The following PPP1R3E variants were observed in gnomAD, a reference collection of about 807,000 sequenced individuals.
PPP1R3E encodes the protein protein phosphatase 1 regulatory subunit 3E.
In PPP1R3E, 20 loss-of-function variants were observed where a neutral mutation model predicts 18.5. The observed-to-expected ratio is 1.08, with a 90% CI of 0.76 to 1.58. PPP1R3E has a LOEUF of 1.58. Among genes scored for constraint, PPP1R3E ranks in the 40% most tolerant of loss-of-function variants. PPP1R3E has a pLI of 0.00. For synonymous variants in PPP1R3E, 208 were observed against 208.1 expected, an observed-to-expected ratio of 1.00 and a Z score of 0.00; for missense variants, 498 against 460.2, an observed-to-expected ratio of 1.08 and a Z score of -0.75.
In PPP1R3E at chr14:23,301,339, G is replaced by A; in HGVS notation, c.*97C>T. ...GGCTTGACTCCCTTGGACCGCTCCC[G>A]CCAATCCTGGTCTCTCCTACTCCTC... On this transcript the variant is annotated 3_prime_UTR_variant, in exon 2 of 5. Coordinates refer to ENST00000452015, the MANE Select transcript of PPP1R3E (RefSeq NM_001276318.2). 1.0e-6 allele frequency: 1 copy of A among 984,016 alleles called. No homozygotes were observed. The allele number at this position is 984,016 out of a possible 1,614,324, so 61.0% of individuals were successfully genotyped here. A position where few individuals can be genotyped will look rare whatever the true frequency, so the allele number is the denominator to read the frequency against.
At position 23,302,809 on chromosome 14, in the gene PPP1R3E, A is replaced by G. The variant is rs1887084266; in HGVS notation, c.-233T>C. The G allele has an allele frequency of 2.1e-6, 1 of 476,284 alleles. No homozygotes were observed. Among genetic ancestry groups the G allele is most frequent in the Admixed American group, 4.3e-5 (1 of 23,394 alleles). 29.5% of individuals were successfully genotyped at this position (476,284 alleles called of 1,614,324 possible). ...CCGTCAGCTTCCAGGGTCTTAGACT[A>G]TCACATCCTGCCTCCTGCTAGCGGT... On this transcript the variant is annotated 5_prime_UTR_variant, in exon 1 of 5. Coordinates refer to ENST00000452015, the MANE Select transcript of PPP1R3E (RefSeq NM_001276318.2).
Position 23,298,120 on chromosome 14 carries a change from G to C in PPP1R3E, c.*1184C>G, listed in dbSNP as rs1886929069. 1 of 152,138 alleles carries C rather than the reference G, an allele frequency of 6.6e-6. No individual in the cohort carries two copies. Among genetic ancestry groups the C allele is most frequent in the African/African-American group, 2.4e-5 (1 of 41,382 alleles). 9.4% of individuals were successfully genotyped at this position (152,138 alleles called of 1,614,324 possible). ...AGAGTGTAAGTGGGAAGGTGAGGGG[G>C]GTCCTGTGCTGATCCTGCATAGATG... On this transcript the variant is annotated 3_prime_UTR_variant, in exon 5 of 5. Coordinates refer to ENST00000452015, the MANE Select transcript of PPP1R3E (RefSeq NM_001276318.2).
chr14:23,301,921 G>A (rs1377289435), intron 1 of PPP1R3E, 63 bp from the exon 2 acceptor site: 2 of 1,376,060 alleles, frequency 1.5e-6, no homozygotes, highest in Non-Finnish European at 1.9e-6. Context: ...GACAGGGGGC[G>A]GTGTCAGAGC....
intron 3 of PPP1R3E, 109 bp downstream of exon 3, chr14:23,300,649 G>A (rs1483352333): frequency 6.6e-6 from 1 of 152,242 alleles, no homozygotes; most frequent in Non-Finnish European, 1.5e-5. Flanking sequence ...AAGCCCCTGA[G>A]TGTACAACCC....
rs1191352004 is a variant in PPP1R3E at position 23,296,744 on chromosome 14, G to A, written c.*2560C>T. ...TAACAAATTCTATGACCCTGCTAGA[G>A]TCATTTCTCACCTCTGGACCTGTGT... On this transcript the variant is annotated 3_prime_UTR_variant, in exon 5 of 5. Transcript: ENST00000452015. The A allele has an allele frequency of 6.6e-6, 1 of 152,212 alleles. No homozygotes were observed. The highest frequency in any genetic ancestry group is 1.5e-5 in the Non-Finnish European group (1 of 68,062). The allele number at this position is 152,212 out of a possible 1,614,324, so 9.4% of individuals were successfully genotyped here.
At chr14:23,300,200 A>G (rs1479662074) in intron 3 of PPP1R3E, 2 of 152,258 alleles carry the variant, frequency 1.3e-5, no homozygotes, top group East Asian at 3.8e-4. Context: ...CGGCTCTGGA[A>G]TACGCTGGGG....
Position 23,302,241 on chromosome 14 carries a change from C to A in PPP1R3E, c.336G>T (p.Val112=). 6.6e-7 allele frequency: 1 copy of A among 1,515,240 alleles called. No homozygotes were observed. Among genetic ancestry groups the A allele is most frequent in the Admixed American group, 2.1e-5 (1 of 48,218 alleles). 93.9% of individuals were successfully genotyped at this position (1,515,240 alleles called of 1,614,324 possible). ...GCAATTGGATCTGCACGTGGCGGGG[C>A]ACCCGGGGCAGCTCACCGGGACGGA... The part of the protein sequence containing the change: ...RRFRPGELPR[V]PRHVQIQLQR... The change falls in exon 1 of 5, where the codon GTG becomes GTT. Residue 112 remains valine (V), a synonymous_variant. Transcript: ENST00000452015.
chr14:23,297,837 T>G lies in PPP1R3E; in HGVS notation c.*1467A>C, dbSNP rs1014707245. Reference sequence around the variant, plus strand: ...TGGGGAGAGTGAGCCAGGGTACTTCTGAGAAAGAGGTCAGGGAACAGGATT... The same window carrying G: ...TGGGGAGAGTGAGCCAGGGTACTTCGGAGAAAGAGGTCAGGGAACAGGATT... On this transcript the variant is annotated 3_prime_UTR_variant, in exon 5 of 5. Transcript: ENST00000452015. 6.6e-6 allele frequency: 1 copy of G among 152,330 alleles called. No individual in the cohort carries two copies. Among genetic ancestry groups the G allele is most frequent in the East Asian group, 1.9e-4 (1 of 5,184 alleles). 9.4% of individuals were successfully genotyped at this position (152,330 alleles called of 1,614,324 possible). A position where few individuals can be genotyped will look rare whatever the true frequency, so the allele number is the denominator to read the frequency against.
Position 23,301,801 on chromosome 14 carries a change from T to A in PPP1R3E, c.475A>T (p.Thr159Ser). The A allele has an allele frequency of 6.8e-7, 1 of 1,471,678 alleles. No homozygotes were observed. Among genetic ancestry groups the A allele is most frequent in the Non-Finnish European group, 8.9e-7 (1 of 1,119,884 alleles). The allele number at this position is 1,471,678 out of a possible 1,614,324, so 91.2% of individuals were successfully genotyped here. The change falls in exon 2 of 5, where the codon ACG (threonine) becomes TCG (serine). Residue 159 changes from threonine to serine, a missense_variant. Transcript: ENST00000452015. ...SEPGFAARLL[T>S]QRICLERAEA... ...GCGCGTTCCAGGCAGATGCGCTGCG[T>A]CAGCAAGCGGGCGGCGAAGCCGGGC...
Position 23,301,734 on chromosome 14 carries a change from A to G in PPP1R3E, c.542T>C (p.Val181Ala), listed in dbSNP as rs1594974581. ...CACGCGCTTCTCGTAGGCCAGGTCC[A>G]CCACGCGCGCGCTCCCGGCCACGCC... is the stretch of plus-strand genomic sequence containing the variant. Reference protein sequence around the residue: ...PLGVAGSARVVDLAYEKRVSV... With the variant: ...PLGVAGSARVADLAYEKRVSV... The change falls in exon 2 of 5, where the codon GTG becomes GCG. Residue 181 changes from valine to alanine, a missense_variant. Val to Ala is a moderately conservative substitution (Grantham distance 64). Coordinates refer to ENST00000452015, the MANE Select transcript of PPP1R3E (RefSeq NM_001276318.2). 2.8e-6 allele frequency: 4 copies of G among 1,412,790 alleles called. No homozygotes were observed. Among genetic ancestry groups the G allele is most frequent in the Non-Finnish European group, 3.7e-6 (4 of 1,086,064 alleles). The allele number at this position is 1,412,790 out of a possible 1,614,324, so 87.5% of individuals were successfully genotyped here.
In PPP1R3E at chr14:23,301,586, A is replaced by C. The variant is rs1267312405; in HGVS notation, c.690T>G (p.Ile230Met). ...RFAFRLPAPP[I>M]GGALLFALRY... The stretch of plus-strand genomic sequence containing the variant: ...GCAAGGCGAAGAGCAGGGCGCCCCC[A>C]ATCGGCGGCGCGGGCAGGCGGAAGG... The change falls in exon 2 of 5, where the codon ATT becomes ATG. Residue 230 changes from isoleucine to methionine, a missense_variant. By Grantham distance (10) the Ile-to-Met change is conservative. Transcript: ENST00000452015. 4 of 1,446,680 alleles carry C rather than the reference A, an allele frequency of 2.8e-6. No homozygotes were observed. Among genetic ancestry groups the C allele is most frequent in the African/African-American group, 2.9e-5 (2 of 68,130 alleles). 89.6% of individuals were successfully genotyped at this position (1,446,680 alleles called of 1,614,324 possible).
rs1384355876 is a variant in PPP1R3E, at chr14:23,298,115, A to C, written c.*1189T>G. The C allele has an allele frequency of 1.3e-5, 2 of 152,198 alleles. No homozygotes were observed. Among genetic ancestry groups the C allele is most frequent in the Non-Finnish European group, 2.9e-5 (2 of 68,086 alleles). 9.4% of individuals were successfully genotyped at this position (152,198 alleles called of 1,614,324 possible). On this transcript the variant is annotated 3_prime_UTR_variant, in exon 5 of 5. Coordinates refer to ENST00000452015, the MANE Select transcript of PPP1R3E (RefSeq NM_001276318.2). ...AGGCTAGAGTGTAAGTGGGAAGGTG[A>C]GGGGGGTCCTGTGCTGATCCTGCAT...
At position 23,301,460 on chromosome 14, in the gene PPP1R3E, C is replaced by G; in HGVS notation, c.816G>C (p.Pro272=). The part of the protein sequence containing the change: ...EHPGSGGAPE[P]QGWIHFI ...CTCAGATAAAGTGGATCCAGCCCTG[C>G]GGCTCCGGAGCTCCGCCACTGCCCG... The change falls in exon 2 of 5, where the codon CCG becomes CCC. Residue 272 remains proline, a synonymous_variant. Transcript: ENST00000452015. 5.5e-6 allele frequency: 8 copies of G among 1,462,576 alleles called. No individual in the cohort carries two copies. Among genetic ancestry groups the G allele is most frequent in the Non-Finnish European group, 7.2e-6 (8 of 1,111,148 alleles). 90.6% of individuals were successfully genotyped at this position (1,462,576 alleles called of 1,614,324 possible). A position where few individuals can be genotyped will look rare whatever the true frequency, so the allele number is the denominator to read the frequency against.
rs1434483275 is a variant in PPP1R3E at position 23,302,605 on chromosome 14, C to G, written c.-29G>C. On this transcript the variant is annotated 5_prime_UTR_variant, in exon 1 of 5. Transcript: ENST00000452015. ...AGCCCCTTCCCCGGCGGGGCCAGCT[C>G]GCAGCGCCACCGCGCTCCCCTCTCT... is the stretch of plus-strand genomic sequence containing the variant. The G allele has an allele frequency of 3.6e-6, 5 of 1,401,292 alleles. No individual in the cohort carries two copies. The East Asian group carries it at 1.5e-4, about 42-fold the overall frequency. 86.8% of individuals were successfully genotyped at this position (1,401,292 alleles called of 1,614,324 possible). A position where few individuals can be genotyped will look rare whatever the true frequency, so the allele number is the denominator to read the frequency against.
In PPP1R3E at chr14:23,301,566, G is replaced by A; in HGVS notation, c.710C>T (p.Ala237Val). ...APPIGGALLF[A>V]LRYRVTGHEF... ...GTGACCTGTCACACGGTAGCGCAAG[G>A]CGAAGAGCAGGGCGCCCCCAATCGG... Residue 237 changes from alanine (A) to valine (V), a missense_variant, in exon 2 of 5, where the codon GCC becomes GTC. By Grantham distance (64) the Ala-to-Val change is moderately conservative. Transcript: ENST00000452015. 1 of 1,479,240 alleles carries A rather than the reference G, an allele frequency of 6.8e-7. No individual in the cohort carries two copies. Among genetic ancestry groups the A allele is most frequent in the Non-Finnish European group, 8.9e-7 (1 of 1,118,622 alleles). 91.6% of individuals were successfully genotyped at this position (1,479,240 alleles called of 1,614,324 possible).
Position 23,297,369 on chromosome 14 carries a change from T to C in PPP1R3E, c.*1935A>G, listed in dbSNP as rs2138405615. 1 of 152,252 alleles carries C rather than the reference T, an allele frequency of 6.6e-6. No individual in the cohort carries two copies. The highest frequency in any genetic ancestry group is 2.1e-4 in the South Asian group (1 of 4,826). The allele number at this position is 152,252 out of a possible 1,614,324, so 9.4% of individuals were successfully genotyped here. Reference sequence around the variant, plus strand: ...AGGGTGTGAGAAATACAGATGGAAGTTTTGGAAGAGCAGTGCAAGACGGAA... The same window carrying C: ...AGGGTGTGAGAAATACAGATGGAAGCTTTGGAAGAGCAGTGCAAGACGGAA... On this transcript the variant is annotated 3_prime_UTR_variant, in exon 5 of 5. Coordinates refer to ENST00000452015, the MANE Select transcript of PPP1R3E (RefSeq NM_001276318.2).
chr14:23,298,142 G>A lies in PPP1R3E; in HGVS notation c.*1162C>T, dbSNP rs904963184. The A allele has an allele frequency of 6.6e-6, 1 of 152,254 alleles. No individual in the cohort carries two copies. The highest frequency in any genetic ancestry group is 1.5e-5 in the Non-Finnish European group (1 of 68,092). The allele number at this position is 152,254 out of a possible 1,614,324, so 9.4% of individuals were successfully genotyped here. Reference sequence around the variant, plus strand: ...GGGGGTCCTGTGCTGATCCTGCATAGATGGGACACTGACACAGGAGACAGC... The same window carrying A: ...GGGGGTCCTGTGCTGATCCTGCATAAATGGGACACTGACACAGGAGACAGC... On this transcript the variant is annotated 3_prime_UTR_variant, in exon 5 of 5. Transcript: ENST00000452015.
chr14:23,301,847 G>T lies in PPP1R3E; in HGVS notation c.429C>A (p.Ala143=). The T allele has an allele frequency of 1.4e-6, 2 of 1,446,000 alleles. No homozygotes were observed. The highest frequency in any genetic ancestry group is 1.8e-6 in the Non-Finnish European group (2 of 1,109,548). 89.6% of individuals were successfully genotyped at this position (1,446,000 alleles called of 1,614,324 possible). A position where few individuals can be genotyped will look rare whatever the true frequency, so the allele number is the denominator to read the frequency against. ...PRARGLQEAR[A]ALEPASEPGF... ...CGGGCTCGCTGGCCGGCTCCAGGGC[G>T]GCGCGCGCCTCCTGGGGGAAAGAAG... Residue 143 remains alanine, a synonymous_variant, in exon 2 of 5, where the codon GCC becomes GCA. Transcript: ENST00000452015.
chr14:23,301,746 C>T lies in PPP1R3E; in HGVS notation c.530G>A (p.Ser177Asn), dbSNP rs1250543725. Reference protein sequence around the residue: ...AEAGPLGVAGSARVVDLAYEK... With the variant: ...AEAGPLGVAGNARVVDLAYEK... Reference sequence around the variant, plus strand: ...GTAGGCCAGGTCCACCACGCGCGCGCTCCCGGCCACGCCCAGCGGGCCCGC... The same window carrying T: ...GTAGGCCAGGTCCACCACGCGCGCGTTCCCGGCCACGCCCAGCGGGCCCGC... The change falls in exon 2 of 5, where the codon AGC becomes AAC. Residue 177 changes from serine (S) to asparagine (N), a missense_variant. By Grantham distance (46) the Ser-to-Asn change is conservative (BLOSUM62 1). Coordinates refer to ENST00000452015, the MANE Select transcript of PPP1R3E (RefSeq NM_001276318.2). 7.1e-7 allele frequency: 1 copy of T among 1,417,800 alleles called. No individual in the cohort carries two copies. Among genetic ancestry groups the T allele is most frequent in the Non-Finnish European group, 9.2e-7 (1 of 1,089,054 alleles). The allele number at this position is 1,417,800 out of a possible 1,614,324, so 87.8% of individuals were successfully genotyped here.
Sources: gnomAD v4.1 joint callset for allele counts on GRCh38, gnomAD v4.1.1 for gene constraint, MANE v1.5 for transcripts, NCBI Gene and HGNC (gene_info 2026-07-23, HGNC 2026-07-21) for gene names.